GRM1: variants seen among roughly 807,000 people sequenced by gnomAD.
GRM1 encodes glutamate metabotropic receptor 1.
A neutral mutation model predicts 90.9 loss-of-function variants in GRM1; 33 were observed. The ratio of observed to expected loss-of-function variants is 0.36; its 90% CI spans 0.28 to 0.49. GRM1 has a LOEUF of 0.49. GRM1 is among the 20% of genes least tolerant of loss of function. The pLI is 0.99. For synonymous variants in GRM1, 700 were observed against 613.2 expected, an observed-to-expected ratio of 1.14 and a Z score of -2.09; for missense variants, 1,190 against 1,534.3, an observed-to-expected ratio of 0.78 and a Z score of 3.75.
In GRM1 at chr6:146,309,347, C is replaced by T. The variant is rs1350794620; in HGVS notation, c.1186+4501C>T. On this transcript the variant is annotated intron_variant, in intron 3 of 7. Transcript: ENST00000282753. ...CTGGGAGGCAGAGGTTGCAGTGAGC[C>T]GAGATCGCGCCACTGCACTCTAGCC... 4.0e-5 allele frequency among the ~76,000 whole-genome samples: 6 copies of T among 151,024 alleles called. No individual in the cohort carries two copies. The East Asian group carries it at 5.8e-4, about 15-fold the overall frequency.
At chr6:146,172,456 C>T (rs1778166428) in intron 2 of GRM1, among the ~76,000 whole-genome samples, 1 of 152,144 alleles carries the variant, frequency 6.6e-6, no homozygotes, top group East Asian at 1.9e-4. Context: ...TCACTGGTTC[C>T]AGAGATTTGA....
intron 1 of GRM1, among the ~76,000 whole-genome samples, chr6:146,075,150 C>T (rs1312710787): frequency 6.6e-6 from 1 of 151,918 alleles, no homozygotes; most frequent in Non-Finnish European, 1.5e-5. Flanking sequence ...TTGCCCTTTG[C>T]AAATAACAAG....
intron 2 of GRM1, among the ~76,000 whole-genome samples, chr6:146,187,519 T>C (rs1267039388): frequency 6.6e-6 from 1 of 152,032 alleles, no homozygotes; most frequent in African/African-American, 2.4e-5. Flanking sequence ...GTCATTTAAG[T>C]GTCTTAGAAC....
At chr6:146,058,845 C>T (rs920679014) in intron 1 of GRM1, among the ~76,000 whole-genome samples, 2 of 152,072 alleles carry the variant, frequency 1.3e-5, no homozygotes, top group African/African-American at 4.8e-5. Flanking sequence ...CTTAGTTCAT[C>T]CAGAAGAAGT....
At chr6:146,135,707 G>A (rs1208196856) in intron 1 of GRM1, among the ~76,000 whole-genome samples, 2 of 152,102 alleles carry the variant, frequency 1.3e-5, no homozygotes, top group Non-Finnish European at 2.9e-5. Flanking sequence ...AAGATATTTT[G>A]AAAGAGGCAT....
At chr6:146,156,450 A>C (rs764153979) in intron 1 of GRM1, among the ~76,000 whole-genome samples, 2 of 152,176 alleles carry the variant, frequency 1.3e-5, no homozygotes, top group Non-Finnish European at 2.9e-5. Context: ...CCCAGTTGCC[A>C]GCTTCCTGGG....
chr6:146,252,578 C>A (rs535010368), intron 2 of GRM1, among the ~76,000 whole-genome samples: 1 of 152,154 alleles, frequency 6.6e-6, no homozygotes, highest in African/African-American at 2.4e-5. Flanking sequence ...CCCGACACTG[C>A]ACTACAGCCT....
At chr6:146,176,959 G>A (rs749736875) in intron 2 of GRM1, among the ~76,000 whole-genome samples, 4 of 151,932 alleles carry the variant, frequency 2.6e-5, no homozygotes, top group Admixed American at 6.6e-5. Flanking sequence ...GGGCTATTGC[G>A]ACCTTTATGA....
At chr6:146,283,410 T>G (rs1352922129) in intron 2 of GRM1, among the ~76,000 whole-genome samples, 1 of 152,170 alleles carries the variant, frequency 6.6e-6, no homozygotes, top group Non-Finnish European at 1.5e-5. Context: ...AAACATCGGG[T>G]AGTCCTGTGA....
intron 3 of GRM1, among the ~76,000 whole-genome samples, chr6:146,308,452 G>A (rs1179759070): frequency 6.6e-6 from 1 of 152,010 alleles, no homozygotes; most frequent in African/African-American, 2.4e-5. Flanking sequence ...TAGAAAACAG[G>A]GCATGACATA....
intron 1 of GRM1, among the ~76,000 whole-genome samples, chr6:146,043,416 G>A (rs1438437660): frequency 2.0e-5 from 3 of 151,726 alleles, no homozygotes; most frequent in Non-Finnish European, 1.5e-5. Context: ...GTCAGAACAG[G>A]GATTAAAAAT....
At chr6:146,323,847 G>C (rs529211595) in intron 3 of GRM1, among the ~76,000 whole-genome samples, 1 of 152,254 alleles carries the variant, frequency 6.6e-6, no homozygotes, top group South Asian at 2.1e-4. Context: ...GTTAAATAGG[G>C]AATCCTTTCC....
chr6:146,340,639 G>C (rs547254605), intron 3 of GRM1: 1 of 152,626 alleles, frequency 6.6e-6, no homozygotes, highest in South Asian at 2.1e-4. Flanking sequence ...TCCACCTCCC[G>C]GGTTCAAGCG....
chr6:146,294,043 T>C (rs1464354371), intron 2 of GRM1, among the ~76,000 whole-genome samples: 1 of 151,664 alleles, frequency 6.6e-6, no homozygotes, highest in African/African-American at 2.4e-5. Context: ...TTCATTAATG[T>C]TTTCTAAGAA....
At chr6:146,195,734 G>T (rs184393074) in intron 2 of GRM1, among the ~76,000 whole-genome samples, 1 of 152,284 alleles carries the variant, frequency 6.6e-6, no homozygotes, top group East Asian at 1.9e-4. Flanking sequence ...CCAGTAAAAG[G>T]GAAGATGCAC....
chr6:146,069,230 T>C (rs1042939198), intron 1 of GRM1, among the ~76,000 whole-genome samples: 2 of 152,184 alleles, frequency 1.3e-5, no homozygotes, highest in African/African-American at 4.8e-5. Flanking sequence ...TGGGAGACCT[T>C]GATCCTGTAC....
At chr6:146,426,421 G>A in intron 7 of GRM1, 2 of 711,192 alleles carry the variant, frequency 2.8e-6, no homozygotes, top group South Asian at 3.5e-5. Context: ...GCAGAGCAAG[G>A]ACCATAGAGC....
At chr6:146,228,991 T>C (rs1780354459) in intron 2 of GRM1, among the ~76,000 whole-genome samples, 1 of 152,104 alleles carries the variant, frequency 6.6e-6, no homozygotes, top group Non-Finnish European at 1.5e-5. Context: ...TAAAAGAGAT[T>C]TTTAGTATGA....
intron 2 of GRM1, among the ~76,000 whole-genome samples, chr6:146,169,903 A>C (rs1287624606): frequency 6.6e-6 from 1 of 152,162 alleles, no homozygotes; most frequent in Admixed American, 6.5e-5. Flanking sequence ...TGTTATCATT[A>C]TTGTCCTTTT....
Sources: gnomAD v4.1 joint callset for allele counts (sites outside exome capture counted in the v4.1 genomes callset) on GRCh38, gnomAD v4.1.1 for gene constraint, MANE v1.5 for transcripts, NCBI Gene and HGNC (gene_info 2026-07-23, HGNC 2026-07-21) for gene names.